NSUN7: variants seen among roughly 807,000 people sequenced by gnomAD.
NSUN7 encodes the protein NOP2/Sun RNA methyltransferase family member 7.
Under a neutral mutation model 58.5 loss-of-function variants are expected in NSUN7, and 39 were observed. That is an observed-to-expected ratio of 0.67 (90% CI 0.52 to 0.87). NSUN7 has a LOEUF of 0.87. Ranked by LOEUF, NSUN7 falls within the 40% of genes least tolerant of loss-of-function variation. NSUN7 has a pLI of 0.00. For synonymous variants in NSUN7, 278 were observed against 303.7 expected (o/e 0.92, Z 0.88); for missense variants, 765 against 844.1 (o/e 0.91, Z 1.16).
intron 9 of NSUN7, among the ~76,000 whole-genome samples, chr4:40,794,766 C>T (rs1743245256): frequency 6.6e-6 from 1 of 152,114 alleles, no homozygotes; most frequent in Non-Finnish European, 1.5e-5. Flanking sequence ...TTCAGCTTTC[C>T]TGTTTCTTCT....
intron 1 of NSUN7, 85 bp downstream of exon 1, chr4:40,750,385 T>G (rs1156444534): frequency 6.8e-6 from 2 of 293,336 alleles, no homozygotes; most frequent in Non-Finnish European, 1.3e-5. Flanking sequence ...CAGACTGGCT[T>G]GAGGGAAGCC....
Position 40,768,208 on chromosome 4 carries a change from T to C in NSUN7, c.489-6057T>C, listed in dbSNP as rs7692036. Among the ~76,000 whole-genome samples, 72 of 146,758 alleles carry C rather than the reference T, an allele frequency of 4.9e-4. 1 individual carries two copies. In the East Asian group the frequency reaches 0.012, roughly 24 times the overall value. ...AAAGACTAATTCTTTTTTTTTCTTTTTTTTTTTTTTTGAGACGGACTCTTG... is the reference window on the plus strand; with the variant it reads ...AAAGACTAATTCTTTTTTTTTCTTTCTTTTTTTTTTTGAGACGGACTCTTG... On this transcript the variant is annotated intron_variant, in intron 4 of 11. Coordinates refer to ENST00000381782, the MANE Select transcript of NSUN7 (RefSeq NM_024677.6).
chr4:40,751,130 C>A (rs1740812024), intron 2 of NSUN7, 139 bp downstream of exon 2: 1 of 872,944 alleles, frequency 1.1e-6, no homozygotes, highest in Non-Finnish European at 1.7e-6. Context: ...TGGTTAATTG[C>A]AAGTGTCAAG....
At position 40,808,029 on chromosome 4, in the gene NSUN7, C is replaced by CAAA. The variant is rs397878278; in HGVS notation, c.1525-256_1525-254dup. 1.1e-3 allele frequency among the ~76,000 whole-genome samples: 65 copies of CAAA among 60,100 alleles called. 1 individual carries two copies. The highest frequency in any genetic ancestry group is 2.5e-3 in the African/African-American group (40 of 16,048). The allele number at this position is 60,100 out of a possible 152,430, so 39.4% of individuals were successfully genotyped here. A position where few individuals can be genotyped will look rare whatever the true frequency, so the allele number is the denominator to read the frequency against. On this transcript the variant is annotated intron_variant, in intron 11 of 11. Transcript: ENST00000381782. ...TGGGCGACAAAGCAAGACTCCATCT[C>CAAA]AAAAAAAAAAAAAAAAAAAAAAAAT...
At chr4:40,762,019 A>C (rs1163398322) in intron 4 of NSUN7, among the ~76,000 whole-genome samples, 2 of 152,168 alleles carry the variant, frequency 1.3e-5, no homozygotes, top group African/African-American at 4.8e-5. Flanking sequence ...TTAGGTCATG[A>C]AGATTTCACC....
intron 9 of NSUN7, among the ~76,000 whole-genome samples, chr4:40,798,258 A>T (rs1743407529): frequency 6.6e-6 from 1 of 152,248 alleles, no homozygotes; most frequent in South Asian, 2.1e-4. Context: ...CCCAAAGCCT[A>T]GAACAGTGCC....
At chr4:40,792,713 C>T (rs1269598640) in intron 8 of NSUN7, among the ~76,000 whole-genome samples, 1 of 151,876 alleles carries the variant, frequency 6.6e-6, no homozygotes, top group Admixed American at 6.6e-5. Flanking sequence ...GATCGCGCCA[C>T]TGCACTCCAG....
chr4:40,766,325 A>G (rs1741723292), intron 4 of NSUN7, among the ~76,000 whole-genome samples: 1 of 151,888 alleles, frequency 6.6e-6, no homozygotes, highest in African/African-American at 2.4e-5. Context: ...CCTTTTCTGC[A>G]TCTATTGAGA....
Position 40,808,496 on chromosome 4 carries a change from C to G in NSUN7, c.1714C>G (p.Arg572Gly), listed in dbSNP as rs1175167046. The G allele has an allele frequency of 6.4e-7, 1 of 1,559,296 alleles. No homozygotes were observed. Residue 572 changes from arginine (R) to glycine (G), a missense_variant, in exon 12 of 12, where the codon CGA (arginine) becomes GGA (glycine). Physicochemically the swap from Arg to Gly is moderately radical, Grantham distance 125. Coordinates refer to ENST00000381782, the MANE Select transcript of NSUN7 (RefSeq NM_024677.6). ...IQMKIAEFLN[R>G]ETKASANLSE... ...AATGAAAATTGCTGAGTTCCTGAAT[C>G]GAGAAACTAAAGCCAGTGCTAATCT...
In NSUN7 at chr4:40,757,870, C is replaced by A. The variant is rs557502507; in HGVS notation, c.299-2564C>A. ...TATTGGGAAAAGGATGTTCTGTTCTCTTGTCGTTCATCCTGCCTCTCCTAT... is the reference window on the plus strand; with the variant it reads ...TATTGGGAAAAGGATGTTCTGTTCTATTGTCGTTCATCCTGCCTCTCCTAT... On this transcript the variant is annotated intron_variant, in intron 2 of 11. Transcript: ENST00000381782. Among the ~76,000 whole-genome samples, 37 of 151,024 alleles carry A rather than the reference C, an allele frequency of 2.4e-4. No individual in the cohort carries two copies. In the South Asian group the frequency reaches 7.7e-3, roughly 32 times the overall value.
chr4:40,757,353 G>A (rs754082341), intron 2 of NSUN7, among the ~76,000 whole-genome samples: 6 of 151,988 alleles, frequency 3.9e-5, no homozygotes, highest in Non-Finnish European at 1.5e-5. Flanking sequence ...TTCCGAATGT[G>A]TTTAAGATAG....
At position 40,807,510 on chromosome 4, in the gene NSUN7, C is replaced by G. The variant is rs965882430; in HGVS notation, c.1524+326C>G. On this transcript the variant is annotated intron_variant, in intron 11 of 11. Transcript: ENST00000381782. The stretch of plus-strand genomic sequence containing the variant: ...GATTACAGGCGTCCACCACCATGCC[C>G]GGCTAATTTTTTTATTTTTAGTAGA... Among the ~76,000 whole-genome samples, 5 of 152,084 alleles carry G rather than the reference C, an allele frequency of 3.3e-5. No individual in the cohort carries two copies. In the South Asian group the frequency reaches 1.0e-3, roughly 32 times the overall value.
chr4:40,753,011 G>A (rs909196707), intron 2 of NSUN7, among the ~76,000 whole-genome samples: 11 of 151,752 alleles, frequency 7.2e-5, no homozygotes, highest in African/African-American at 1.7e-4. Flanking sequence ...TTTTTTTCTC[G>A]CAACAGTGAA....
chr4:40,751,302 C>T (rs1350260234), intron 2 of NSUN7, among the ~76,000 whole-genome samples: 3 of 151,504 alleles, frequency 2.0e-5, no homozygotes, highest in Admixed American at 1.3e-4. Context: ...TTTTTTCCCT[C>T]GTAGACTTAG....
chr4:40,798,854 TAAG>T lies in NSUN7; in HGVS notation c.1353_1355del (p.Lys452del). 1 of 1,612,718 alleles carries T rather than the reference TAAG, an allele frequency of 6.2e-7. No homozygotes were observed. Among genetic ancestry groups the T allele is most frequent in the Non-Finnish European group, 8.5e-7 (1 of 1,179,196 alleles). The stretch of plus-strand genomic sequence containing the variant: ...TTCCAGAAGAAAATGAAGCTGTTGT[TAAG>T]AAAGCACTGGAATTTCAAGACCTTG... On this transcript the variant is annotated inframe_deletion, in exon 10 of 12. Transcript: ENST00000381782.
chr4:40,752,043 A>G (rs1472078922), intron 2 of NSUN7, among the ~76,000 whole-genome samples: 2 of 152,222 alleles, frequency 1.3e-5, no homozygotes, highest in East Asian at 3.8e-4. Flanking sequence ...GAGAGCAGTC[A>G]AAAGGCTTGA....
At chr4:40,768,141 G>A (rs1741824915) in intron 4 of NSUN7, among the ~76,000 whole-genome samples, 1 of 151,918 alleles carries the variant, frequency 6.6e-6, no homozygotes, top group African/African-American at 2.4e-5. Context: ...TTCAGTCACT[G>A]TAAGCTCAAA....
chr4:40,767,675 A>C (rs1317460021), intron 4 of NSUN7, among the ~76,000 whole-genome samples: 1 of 152,224 alleles, frequency 6.6e-6, no homozygotes, highest in African/African-American at 2.4e-5. Context: ...TAGCTTGAGC[A>C]AAAATGGAAA....
intron 7 of NSUN7, among the ~76,000 whole-genome samples, chr4:40,779,006 G>A (rs912342292): frequency 6.6e-6 from 1 of 152,010 alleles, no homozygotes; most frequent in Non-Finnish European, 1.5e-5. Context: ...CACAGTAAAG[G>A]GAATACTAAA....
Sources: allele counts gnomAD v4.1 joint callset (sites outside exome capture counted in the v4.1 genomes callset), GRCh38; gene constraint gnomAD v4.1.1; transcripts MANE v1.5; gene names NCBI Gene and HGNC (gene_info 2026-07-23, HGNC 2026-07-21).